The following PRDM5 variants were observed in gnomAD, a reference collection of about 807,000 sequenced individuals.
PRDM5 encodes PR domain zinc finger protein 5.
A neutral mutation model predicts 81.2 loss-of-function variants in PRDM5; 56 were observed. The observed-to-expected ratio is 0.69, with a 90% confidence interval of 0.56 to 0.86. The LOEUF is 0.86. Ranked by LOEUF, PRDM5 falls within the 40% of genes least tolerant of loss-of-function variation. PRDM5 has a pLI of 0.00. For missense variants in PRDM5, 697 were observed against 770.1 expected (o/e 0.91, Z 1.12); for synonymous variants, 267 against 256.4 (o/e 1.04, Z -0.39).
chr4:120,706,737 T>C (rs1736218905), intron 15 of PRDM5, among the ~76,000 whole-genome samples: 1 of 137,934 alleles, frequency 7.2e-6, no homozygotes, highest in Non-Finnish European at 1.6e-5. Context: ...AAATTATATA[T>C]ATATGTCCAT....
chr4:120,876,046 A>G (rs772684754), intron 2 of PRDM5, among the ~76,000 whole-genome samples: 14 of 152,308 alleles, frequency 9.2e-5, no homozygotes, highest in Middle Eastern at 3.4e-3. Context: ...ATCATGCACA[A>G]TTTCGTCTCC....
At chr4:120,894,034 T>C (rs1764350851) in intron 2 of PRDM5, among the ~76,000 whole-genome samples, 1 of 152,214 alleles carries the variant, frequency 6.6e-6, no homozygotes, top group Admixed American at 6.5e-5. Context: ...AGCACAATGA[T>C]TGATCTAATT....
intron 8 of PRDM5, among the ~76,000 whole-genome samples, chr4:120,803,100 G>T (rs1482753660): frequency 2.0e-5 from 3 of 152,062 alleles, no homozygotes; most frequent in African/African-American, 7.3e-5. Flanking sequence ...TGGAAGAAAG[G>T]GTATCAGTGA....
chr4:120,816,683 G>A, intron 6 of PRDM5, 109 bp from the exon 7 acceptor site: 3 of 1,556,004 alleles, frequency 1.9e-6, no homozygotes, highest in South Asian at 2.2e-5. Context: ...GAGTTTCGGG[G>A]TCATTCCATG....
intron 14 of PRDM5, among the ~76,000 whole-genome samples, chr4:120,713,928 A>G (rs1474329239): frequency 6.6e-6 from 1 of 152,122 alleles, no homozygotes; most frequent in African/African-American, 2.4e-5. Flanking sequence ...TGGTGGAAGG[A>G]AAGTACTCTG....
chr4:120,747,556 A>G (rs1412954264), intron 14 of PRDM5, among the ~76,000 whole-genome samples: 2 of 151,992 alleles, frequency 1.3e-5, no homozygotes, highest in African/African-American at 4.8e-5. Flanking sequence ...ATACCTAGGA[A>G]CTCTGAGATA....
intron 2 of PRDM5, among the ~76,000 whole-genome samples, chr4:120,875,409 AG>A (rs932752039): frequency 1.1e-4 from 17 of 152,342 alleles, no homozygotes; most frequent in Middle Eastern, 3.4e-3. Context: ...AGTGTACAGG[AG>A]GGGAGTTTAT....
At chr4:120,779,177 C>T (rs1748635362) in intron 12 of PRDM5, among the ~76,000 whole-genome samples, 1 of 151,994 alleles carries the variant, frequency 6.6e-6, no homozygotes. Context: ...TTAAAATATT[C>T]CTTTCACTTA....
intron 2 of PRDM5, among the ~76,000 whole-genome samples, chr4:120,872,626 C>A (rs756555848): frequency 6.6e-6 from 1 of 152,066 alleles, no homozygotes; most frequent in Non-Finnish European, 1.5e-5. Flanking sequence ...TGGTGGTGCA[C>A]ACTTGTAGTC....
intron 14 of PRDM5, among the ~76,000 whole-genome samples, chr4:120,722,595 A>C (rs181287586): frequency 1.3e-5 from 2 of 152,236 alleles, no homozygotes; most frequent in Admixed American, 1.3e-4. Flanking sequence ...TTGTGATTTC[A>C]TGGTCTGAGG....
chr4:120,816,426 G>A (rs375796920), intron 7 of PRDM5, 27 bp downstream of exon 7: 95 of 1,614,016 alleles, frequency 5.9e-5, no homozygotes, highest in African/African-American at 3.3e-4. Context: ...AAGCCCCTTC[G>A]GAAACGACCC....
intron 14 of PRDM5, among the ~76,000 whole-genome samples, chr4:120,735,405 T>A (rs1017081777): frequency 6.6e-6 from 1 of 152,220 alleles, no homozygotes; most frequent in Non-Finnish European, 1.5e-5. Flanking sequence ...AGCTCATAAG[T>A]GTCTCCAATA....
intron 14 of PRDM5, among the ~76,000 whole-genome samples, chr4:120,744,715 C>A (rs1256559214): frequency 6.6e-6 from 1 of 151,204 alleles, no homozygotes; most frequent in Admixed American, 6.6e-5. Flanking sequence ...CATACACTCT[C>A]CCAAGACTAA....
chr4:120,873,979 CAT>C (rs1426523367), intron 2 of PRDM5, among the ~76,000 whole-genome samples: 1 of 152,032 alleles, frequency 6.6e-6, no homozygotes, highest in Non-Finnish European at 1.5e-5. Context: ...TTAATTGACA[CAT>C]AATAATTGTA....
At chr4:120,793,926 A>C (rs1750967431) in intron 10 of PRDM5, among the ~76,000 whole-genome samples, 1 of 150,368 alleles carries the variant, frequency 6.7e-6, no homozygotes, top group African/African-American at 2.4e-5. Context: ...TTCACTTGTC[A>C]TTATGCTTCA....
At chr4:120,751,957 T>C (rs1744072528) in intron 14 of PRDM5, among the ~76,000 whole-genome samples, 1 of 152,204 alleles carries the variant, frequency 6.6e-6, no homozygotes, top group African/African-American at 2.4e-5. Flanking sequence ...ACTTTTAAAA[T>C]AGGACCAAAA....
At position 120,818,508 on chromosome 4, in the gene PRDM5, C is replaced by G. The variant is rs1216586146; in HGVS notation, c.495G>C (p.Glu165Asp). The G allele has an allele frequency of 1.9e-6, 3 of 1,613,370 alleles. No individual in the cohort carries two copies. Among genetic ancestry groups the G allele is most frequent in the South Asian group, 2.2e-5 (2 of 91,074 alleles). Reference protein sequence around the residue: ...AGRKDRLGCKEDYACPQCESS... With the variant: ...AGRKDRLGCKDDYACPQCESS... ...ATTCACATTGAGGACAAGCATAGTC[C>G]TCTTTACAGCCAAGGCGATCTGCAC... Residue 165 changes from glutamate to aspartate, a missense_variant, in exon 5 of 16, where the codon GAG becomes GAC. By Grantham distance (45) the Glu-to-Asp change is conservative. Around this residue, in one of 3 missense-constraint regions of PRDM5, gnomAD observed 577 missense variants for 606.7 expected, o/e 0.95. Coordinates refer to ENST00000264808, the MANE Select transcript of PRDM5 (RefSeq NM_018699.4).
At chr4:120,828,546 C>A (rs78629936) in intron 3 of PRDM5, among the ~76,000 whole-genome samples, 1 of 152,046 alleles carries the variant, frequency 6.6e-6, no homozygotes, top group Admixed American at 6.6e-5. Context: ...ATAATTTTAA[C>A]TTCACTAGAT....
intron 2 of PRDM5, among the ~76,000 whole-genome samples, chr4:120,856,683 T>A (rs1759917121): frequency 6.6e-6 from 1 of 152,232 alleles, no homozygotes; most frequent in Non-Finnish European, 1.5e-5. Context: ...TCCAGACAGC[T>A]GGCTATTATT....
Sources: gnomAD v4.1 joint callset for allele counts (sites outside exome capture counted in the v4.1 genomes callset) on GRCh38, gnomAD v4.1.1 for gene constraint, gnomAD v4.1.1 regional missense constraint, MANE v1.5 for transcripts, NCBI Gene and HGNC (gene_info 2026-07-23, HGNC 2026-07-21) for gene names.